The following RNF32 variants were observed in gnomAD, a reference collection of about 807,000 sequenced individuals.
RNF32 encodes the protein ring finger protein 32.
RNF32 carries 36 observed loss-of-function variants against 41.0 expected under a neutral mutation model. That is an observed-to-expected ratio of 0.88 (90% CI 0.67 to 1.16). The LOEUF is 1.16. Among genes scored for constraint, RNF32 ranks in the 50% most tolerant of loss-of-function variants. The pLI is 0.00. For synonymous variants in RNF32, 154 were observed against 160.9 expected (o/e 0.96, Z 0.32); for missense variants, 413 against 436.7 (o/e 0.95, Z 0.48).
rs1031549182 is a variant in RNF32 at position 156,670,231 on chromosome 7, A to C, written c.685-5465A>C. On this transcript the variant is annotated intron_variant, in intron 7 of 8. Transcript: ENST00000317955. This position sits in a 1 kb window ranked among gnomAD's most constrained non-coding sequence, Gnocchi z 4.3. ...AGGGCACACACATTTCCTTCTTTGCAGAGGAGCTGGATGCTAAGCACGGCT... is the reference window on the plus strand; with the variant it reads ...AGGGCACACACATTTCCTTCTTTGCCGAGGAGCTGGATGCTAAGCACGGCT... 6.6e-6 allele frequency among the ~76,000 whole-genome samples: 1 copy of C among 152,198 alleles called. No homozygotes were observed. The highest frequency in any genetic ancestry group is 1.5e-5 in the Non-Finnish European group (1 of 68,032).
At chr7:156,675,926 G>A (rs1803846959) in intron 8 of RNF32, 63 bp downstream of exon 8, 2 of 1,534,560 alleles carry the variant, frequency 1.3e-6, no homozygotes, top group Non-Finnish European at 1.8e-6. Flanking sequence ...GCTGTGGGGA[G>A]TGGCATGTGG....
intron 7 of RNF32, among the ~76,000 whole-genome samples, chr7:156,663,020 G>A (rs1011236786): frequency 6.6e-6 from 1 of 151,910 alleles, no homozygotes; most frequent in Non-Finnish European, 1.5e-5. Context: ...GCTAATTGTA[G>A]AGATGAGGTT....
intron 1 of RNF32, among the ~76,000 whole-genome samples, chr7:156,641,291 A>G (rs1490352826): frequency 6.6e-6 from 1 of 152,102 alleles, no homozygotes; most frequent in African/African-American, 2.4e-5. Flanking sequence ...GGTCTCGTGT[A>G]TTTTTATTGA....
At chr7:156,646,348 C>T in intron 3 of RNF32, 1 of 1,149,962 alleles carries the variant, frequency 8.7e-7, no homozygotes, top group Non-Finnish European at 1.2e-6. Flanking sequence ...CTGGTGGTTC[C>T]TGGCATTGCT....
Position 156,640,947 on chromosome 7 carries a change from T to C in RNF32, c.-78+136T>C, listed in dbSNP as rs1797209011. ...GCCGGGCCGGCGATGGCCGCAGCTG[T>C]GAGGCGAGGTCGGGTCCCGTAGCGG... On this transcript the variant is annotated intron_variant, in intron 1 of 8. Coordinates refer to ENST00000317955, the MANE Select transcript of RNF32 (RefSeq NM_030936.4). 1.6e-5 allele frequency: 3 copies of C among 182,016 alleles called. No homozygotes were observed. The Admixed American group carries it at 1.9e-4, about 12-fold the overall frequency. The allele number at this position is 182,016 out of a possible 1,614,324, so 11.3% of individuals were successfully genotyped here.
chr7:156,671,980 G>A (rs903587570), intron 7 of RNF32, among the ~76,000 whole-genome samples: 7 of 152,152 alleles, frequency 4.6e-5, no homozygotes, highest in Admixed American at 3.9e-4. Flanking sequence ...CTTGTGGAAT[G>A]GAATATTTCA....
At chr7:156,659,343 T>C (rs939058909) in intron 7 of RNF32, 2 of 987,500 alleles carry the variant, frequency 2.0e-6, no homozygotes, top group African/African-American at 3.5e-5. Flanking sequence ...TGAGTTACTG[T>C]GTGTTCTGTT....
At position 156,643,995 on chromosome 7, in the gene RNF32, A is replaced by T. The variant is rs1797687469; in HGVS notation, c.15+103A>T. ...AAACTAGTTTGCAAACCCTGCTTGA[A>T]CTAGGAATTGTCAGCAGGAATGGGC... On this transcript the variant is annotated intron_variant, in intron 2 of 8. Transcript: ENST00000317955. The T allele has an allele frequency of 2.9e-6, 3 of 1,019,782 alleles. No individual in the cohort carries two copies. The East Asian group carries it at 7.2e-5, about 24-fold the overall frequency. The allele number at this position is 1,019,782 out of a possible 1,614,324, so 63.2% of individuals were successfully genotyped here.
At chr7:156,657,819 G>A (rs550327662) in intron 5 of RNF32, 6 of 598,900 alleles carry the variant, frequency 1.0e-5, no homozygotes, top group African/African-American at 5.6e-5. Flanking sequence ...ATGTCAAAGT[G>A]ACAGCTAAAT....
At chr7:156,663,234 A>G (rs540024922) in intron 7 of RNF32, among the ~76,000 whole-genome samples, 1 of 152,356 alleles carries the variant, frequency 6.6e-6, no homozygotes, top group Admixed American at 6.5e-5. Flanking sequence ...ATTGTTTTAG[A>G]GAGTAAAAAA....
intron 7 of RNF32, among the ~76,000 whole-genome samples, chr7:156,673,860 G>C (rs957367360): frequency 6.6e-6 from 1 of 151,162 alleles, no homozygotes; most frequent in African/African-American, 2.4e-5. Context: ...TCAGAAGTCT[G>C]GTGATTTAAA....
At chr7:156,642,306 C>G (rs1228165000) in intron 1 of RNF32, among the ~76,000 whole-genome samples, 2 of 152,088 alleles carry the variant, frequency 1.3e-5, no homozygotes, top group East Asian at 3.8e-4. Flanking sequence ...AAATAAAGAC[C>G]AAAGCACTTC....
chr7:156,659,582 T>C (rs946374279), intron 7 of RNF32: 35 of 962,878 alleles, frequency 3.6e-5, no homozygotes, highest in African/African-American at 1.9e-4. Flanking sequence ...TCACCTCTTA[T>C]ACAATTTTAA....
At chr7:156,659,073 A>G in intron 7 of RNF32, 2 of 1,368,904 alleles carry the variant, frequency 1.5e-6, no homozygotes, top group Non-Finnish European at 1.9e-6. Flanking sequence ...ACCACTATTT[A>G]TGCTTTAGTT....
At chr7:156,649,362 A>G (rs1275286864) in intron 3 of RNF32, among the ~76,000 whole-genome samples, 2 of 151,274 alleles carry the variant, frequency 1.3e-5, no homozygotes, top group East Asian at 1.9e-4. Context: ...AGTGATTCTT[A>G]TTGTCTGTGC....
rs73741300 is a variant in RNF32 at position 156,660,108 on chromosome 7, C to A, written c.684+1538C>A. Reference sequence around the variant, plus strand: ...CCAACTGCTGCCTCCTCGTCCTGAGCCCTCATCGCTCGGAACGCCCCGCTC... The same window carrying A: ...CCAACTGCTGCCTCCTCGTCCTGAGACCTCATCGCTCGGAACGCCCCGCTC... On this transcript the variant is annotated intron_variant, in intron 7 of 8. Coordinates refer to ENST00000317955, the MANE Select transcript of RNF32 (RefSeq NM_030936.4). 3.0e-3 allele frequency: 2,947 copies of A among 985,836 alleles called. 62 individuals carry two copies. In the African/African-American group the frequency reaches 0.046, roughly 15 times the overall value. The allele number at this position is 985,836 out of a possible 1,614,324, so 61.1% of individuals were successfully genotyped here.
chr7:156,672,380 T>C (rs1026992023), intron 7 of RNF32, among the ~76,000 whole-genome samples: 1 of 152,118 alleles, frequency 6.6e-6, no homozygotes, highest in East Asian at 1.9e-4. Flanking sequence ...ATAAAGGAGA[T>C]AGGACCTGTA....
intron 7 of RNF32, 173 bp downstream of exon 7, chr7:156,658,743 C>A: frequency 1.2e-6 from 1 of 808,242 alleles, no homozygotes; most frequent in Non-Finnish European, 2.0e-6. Flanking sequence ...GGCTTTCCAA[C>A]CTAGATGTTC....
upstream of RNF32, chr7:156,640,205 C>T (rs774249503): frequency 2.2e-6 from 1 of 453,540 alleles, no homozygotes; most frequent in South Asian, 1.6e-5. Context: ...CTGAGCGGCG[C>T]GGGGGGATCG....
Sources: allele counts gnomAD v4.1 joint callset (sites outside exome capture counted in the v4.1 genomes callset), GRCh38; gene constraint gnomAD v4.1.1; non-coding constraint Gnocchi (gnomAD v3.1); transcripts MANE v1.5; gene names NCBI Gene and HGNC (gene_info 2026-07-23, HGNC 2026-07-21).